The following PRDM5 variants were observed in gnomAD, a reference collection of about 807,000 sequenced individuals.
PRDM5 encodes PR/SET domain 5.
A neutral mutation model predicts 81.2 loss-of-function variants in PRDM5; 56 were observed. That is an observed-to-expected ratio of 0.69 (90% confidence interval 0.56 to 0.86). The LOEUF (loss-of-function observed/expected upper bound fraction) is 0.86, where lower values mean the gene tolerates loss of function less well. PRDM5 is among the 40% of genes least tolerant of loss of function. PRDM5 has a pLI of 0.00. For missense variants in PRDM5, 697 were observed against 770.1 expected (o/e 0.91, Z 1.12); for synonymous variants, 267 against 256.4 (o/e 1.04, Z -0.39).
chr4:120,752,452 T>G (rs1744149338), intron 14 of PRDM5, among the ~76,000 whole-genome samples: 1 of 152,170 alleles, frequency 6.6e-6, no homozygotes, highest in Admixed American at 6.5e-5. Context: ...TCTCTTGAGT[T>G]CCCTTAGTCA....
intron 2 of PRDM5, among the ~76,000 whole-genome samples, chr4:120,895,309 G>A (rs1023320053): frequency 1.3e-5 from 2 of 152,084 alleles, no homozygotes; most frequent in African/African-American, 4.8e-5. Flanking sequence ...TTTTTCCACT[G>A]TATTTTGCTC....
At chr4:120,741,605 C>A (rs988150684) in intron 14 of PRDM5, among the ~76,000 whole-genome samples, 1 of 152,056 alleles carries the variant, frequency 6.6e-6, no homozygotes, top group Non-Finnish European at 1.5e-5. Context: ...CCAGGCATTG[C>A]CTCACTCGGG....
Position 120,798,373 on chromosome 4 carries a change from T to TC in PRDM5, c.1081dup (p.Asp361GlyfsTer35). Reference sequence around the variant, plus strand: ...TATTACTTTGTGAGCACCCACTTGATCAAGCCTCTTGAAAGACTTATTACA... The same window carrying TC: ...TATTACTTTGTGAGCACCCACTTGATCCAAGCCTCTTGAAAGACTTATTACA... On this transcript the variant is annotated frameshift_variant, in exon 10 of 16. Coordinates refer to ENST00000264808, the MANE Select transcript of PRDM5 (RefSeq NM_018699.4). LOFTEE classifies it high-confidence loss of function. 1 of 1,613,298 alleles carries TC rather than the reference T, an allele frequency of 6.2e-7. No individual in the cohort carries two copies. Among genetic ancestry groups the TC allele is most frequent in the Non-Finnish European group, 8.5e-7 (1 of 1,179,354 alleles).
intron 2 of PRDM5, among the ~76,000 whole-genome samples, chr4:120,857,116 G>A (rs1158453733): frequency 1.3e-5 from 2 of 152,184 alleles, no homozygotes; most frequent in Admixed American, 6.5e-5. Flanking sequence ...AGCACTTCAG[G>A]AGGACAAGGT....
At chr4:120,867,695 T>A (rs1171358383) in intron 2 of PRDM5, among the ~76,000 whole-genome samples, 1 of 152,234 alleles carries the variant, frequency 6.6e-6, no homozygotes, top group African/African-American at 2.4e-5. Context: ...AAAGTATGCT[T>A]ACAAATCTGG....
intron 14 of PRDM5, among the ~76,000 whole-genome samples, chr4:120,728,955 A>G (rs1285127293): frequency 6.6e-6 from 1 of 152,254 alleles, no homozygotes; most frequent in African/African-American, 2.4e-5. Context: ...TAATTTTACA[A>G]GTAGCACAAT....
chr4:120,801,685 G>A (rs184516487), intron 8 of PRDM5, among the ~76,000 whole-genome samples: 108 of 152,308 alleles, frequency 7.1e-4, no homozygotes, highest in African/African-American at 2.4e-3. Flanking sequence ...ACAAGTGTTT[G>A]GAATGCTAGT....
chr4:120,831,489 CAAATA>C (rs1756708139), intron 3 of PRDM5, among the ~76,000 whole-genome samples: 1 of 151,954 alleles, frequency 6.6e-6, no homozygotes, highest in African/African-American at 2.4e-5. Flanking sequence ...AACTACATTT[CAAATA>C]AAATAAAGAC....
At chr4:120,747,320 A>G (rs1743265374) in intron 14 of PRDM5, among the ~76,000 whole-genome samples, 1 of 147,900 alleles carries the variant, frequency 6.8e-6, no homozygotes, top group African/African-American at 2.5e-5. Context: ...GCATTGGGAG[A>G]TATACCTAAT....
downstream of PRDM5, among the ~76,000 whole-genome samples, chr4:120,689,077 C>T (rs992696017): frequency 1.8e-4 from 28 of 152,232 alleles, no homozygotes; most frequent in East Asian, 2.9e-3. Context: ...TGATGCAACT[C>T]GGGTCAGATC....
At chr4:120,825,752 C>T (rs1234184110) in intron 3 of PRDM5, among the ~76,000 whole-genome samples, 2 of 152,110 alleles carry the variant, frequency 1.3e-5, no homozygotes, top group Non-Finnish European at 2.9e-5. Context: ...CCTAGTAGAG[C>T]TCTTAAATGC....
Position 120,802,307 on chromosome 4 carries a change from C to A in PRDM5, c.946-2562G>T, listed in dbSNP as rs181470582. ...ATCGCTGAATAGGAACAGCTCCAGT[C>A]CACAGCTCCCAGTGTGAGCGACGCA... On this transcript the variant is annotated intron_variant, in intron 8 of 15. Transcript: ENST00000264808. Among the ~76,000 whole-genome samples the A allele has an allele frequency of 3.9e-5, 6 of 152,310 alleles. No individual in the cohort carries two copies. In the East Asian group the frequency reaches 1.2e-3, roughly 29 times the overall value.
intron 14 of PRDM5, among the ~76,000 whole-genome samples, chr4:120,734,618 T>C (rs1740827146): frequency 6.6e-6 from 1 of 152,168 alleles, no homozygotes; most frequent in Non-Finnish European, 1.5e-5. Flanking sequence ...ACGCTTCCCT[T>C]CCCTTGGCTT....
intron 13 of PRDM5, among the ~76,000 whole-genome samples, chr4:120,765,535 C>A (rs549421881): frequency 4.6e-5 from 7 of 152,222 alleles, no homozygotes; most frequent in Non-Finnish European, 8.8e-5. Context: ...AGCTGACCCA[C>A]AGAGTGCCAT....
chr4:120,904,213 ACCTC>A (rs1189867647), intron 2 of PRDM5, among the ~76,000 whole-genome samples: 2 of 147,188 alleles, frequency 1.4e-5, no homozygotes, highest in African/African-American at 5.0e-5. Context: ...AAACAAAAAA[ACCTC>A]CTTCCTTTAT....
chr4:120,749,757 G>A (rs572546154), intron 14 of PRDM5, among the ~76,000 whole-genome samples: 1 of 152,326 alleles, frequency 6.6e-6, no homozygotes, highest in East Asian at 1.9e-4. Context: ...CCTCTGGAGA[G>A]AGACAGAACC....
chr4:120,906,455 G>A (rs553965776), intron 2 of PRDM5, among the ~76,000 whole-genome samples: 6 of 152,236 alleles, frequency 3.9e-5, no homozygotes, highest in East Asian at 1.9e-4. Context: ...ACTTGATGAC[G>A]CATTTCTTAG....
intron 10 of PRDM5, among the ~76,000 whole-genome samples, chr4:120,793,108 C>T (rs1750821053): frequency 6.6e-6 from 1 of 152,124 alleles, no homozygotes; most frequent in Non-Finnish European, 1.5e-5. Flanking sequence ...AGGTGAGTGG[C>T]GGGCAAGTGA....
chr4:120,910,298 A>T (rs1766362548), intron 1 of PRDM5, among the ~76,000 whole-genome samples: 1 of 152,208 alleles, frequency 6.6e-6, no homozygotes, highest in Admixed American at 6.5e-5. Context: ...TAAATAGCCA[A>T]CTCTCAATTA....
Sources: gnomAD v4.1 joint callset for allele counts (sites outside exome capture counted in the v4.1 genomes callset) on GRCh38, gnomAD v4.1.1 for gene constraint, MANE v1.5 for transcripts, NCBI Gene and HGNC (gene_info 2026-07-23, HGNC 2026-07-21) for gene names.